UNC5C: variants seen among roughly 807,000 people sequenced by gnomAD.
The protein encoded by UNC5C is netrin receptor UNC5C.
In UNC5C, 47 loss-of-function variants were observed where a neutral mutation model predicts 99.8. The ratio of observed to expected loss-of-function variants is 0.47; its 90% confidence interval spans 0.37 to 0.60. The LOEUF is 0.60. Among genes scored for constraint, UNC5C ranks in the 20% least tolerant of loss-of-function variants. The pLI, the probability that UNC5C is intolerant of heterozygous loss-of-function variation, is 0.00. For synonymous variants in UNC5C, 487 were observed against 452.2 expected, an observed-to-expected ratio of 1.08 and a Z score of -0.98; for missense variants, 1,062 against 1,165.9, an observed-to-expected ratio of 0.91 and a Z score of 1.30.
intron 14 of UNC5C, among the ~76,000 whole-genome samples, chr4:95,176,595 C>T (rs973572108): frequency 2.0e-5 from 3 of 152,216 alleles, no homozygotes; most frequent in African/African-American, 4.8e-5. Flanking sequence ...GGCAGTCTGC[C>T]CGTTCTCAGA....
At chr4:95,532,149 T>C (rs1348266335) in intron 1 of UNC5C, among the ~76,000 whole-genome samples, 1 of 152,184 alleles carries the variant, frequency 6.6e-6, no homozygotes, top group Non-Finnish European at 1.5e-5. Context: ...AGAATCCAAG[T>C]TCTTCATTAG....
intron 1 of UNC5C, among the ~76,000 whole-genome samples, chr4:95,413,393 TG>T (rs1746058629): frequency 3.3e-5 from 5 of 152,154 alleles, no homozygotes; most frequent in Admixed American, 2.6e-4. Context: ...CCACCCATGG[TG>T]GGGCCTGGCT....
intron 1 of UNC5C, among the ~76,000 whole-genome samples, chr4:95,336,901 A>G (rs1330566328): frequency 6.6e-6 from 1 of 151,930 alleles, no homozygotes; most frequent in Non-Finnish European, 1.5e-5. Flanking sequence ...AACATCAAGG[A>G]CCAAAATTGT....
chr4:95,261,168 C>A (rs1439369722), intron 4 of UNC5C, among the ~76,000 whole-genome samples: 1 of 152,042 alleles, frequency 6.6e-6, no homozygotes, highest in African/African-American at 2.4e-5. Context: ...GCTGGGACAC[C>A]AAGACACATA....
chr4:95,513,585 T>A (rs528793922), intron 1 of UNC5C, among the ~76,000 whole-genome samples: 3 of 152,090 alleles, frequency 2.0e-5, no homozygotes, highest in Admixed American at 2.0e-4. Context: ...TCAAGACACA[T>A]GAAGACAACA....
intron 11 of UNC5C, 113 bp downstream of exon 11, chr4:95,206,515 G>A (rs766275835): frequency 5.5e-6 from 8 of 1,463,572 alleles, no homozygotes; most frequent in Non-Finnish European, 6.5e-6. Context: ...TTTTGAGGGT[G>A]AGCTAAAATT....
Position 95,420,082 on chromosome 4 carries a change from G to A in UNC5C, c.125-84451C>T, listed in dbSNP as rs375918569. On this transcript the variant is annotated intron_variant, in intron 1 of 15. Transcript: ENST00000453304. ...AGTATGAATACCTATAATCAGATGC[G>A]AAAACAAAGCATCCATAAGCAATTA... Among the ~76,000 whole-genome samples the A allele has an allele frequency of 2.3e-4, 35 of 152,126 alleles. 2 individuals carry two copies. Among genetic ancestry groups the A allele is most frequent in the African/African-American group, 7.0e-4 (29 of 41,518 alleles).
chr4:95,483,492 T>C (rs762346008), intron 1 of UNC5C, among the ~76,000 whole-genome samples: 1 of 151,872 alleles, frequency 6.6e-6, no homozygotes, highest in Non-Finnish European at 1.5e-5. Context: ...AATTTTTGTA[T>C]ATAAAATGGC....
rs1332860219 is a variant in UNC5C, at chr4:95,466,713, C to T, written c.124+82021G>A. On this transcript the variant is annotated intron_variant, in intron 1 of 15. Transcript: ENST00000453304. The stretch of plus-strand genomic sequence containing the variant: ...AAAATCCCAGGCCTCAAAGGAGATA[C>T]TCATTGTTTTACTTTTAAAAGCCAT... Among the ~76,000 whole-genome samples, 8 of 151,994 alleles carry T rather than the reference C, an allele frequency of 5.3e-5. No homozygotes were observed. In the East Asian group the frequency reaches 1.5e-3, roughly 29 times the overall value.
At chr4:95,287,041 C>T (rs143881286) in intron 3 of UNC5C, among the ~76,000 whole-genome samples, 1 of 152,274 alleles carries the variant, frequency 6.6e-6, no homozygotes, top group East Asian at 1.9e-4. Context: ...TGTCAAGTTA[C>T]CTTAATGTTT....
At chr4:95,485,314 T>A (rs1214806520) in intron 1 of UNC5C, among the ~76,000 whole-genome samples, 1 of 151,762 alleles carries the variant, frequency 6.6e-6, no homozygotes, top group Non-Finnish European at 1.5e-5. Flanking sequence ...GAGTTGTGCT[T>A]CAAGTTGTCC....
Position 95,182,993 on chromosome 4 carries a change from T to C in UNC5C, c.2355A>G (p.Arg785=), listed in dbSNP as rs1294239912. The C allele has an allele frequency of 6.2e-7, 1 of 1,613,672 alleles. No homozygotes were observed. Among genetic ancestry groups the C allele is most frequent in the East Asian group, 2.2e-5 (1 of 44,880 alleles). The change falls in exon 14 of 16, where the codon AGA becomes AGG. Residue 785 remains arginine, a synonymous_variant. Transcript: ENST00000453304. The part of the protein sequence containing the change: ...RNLHCTFTLE[R]FSLNTVELVC... Reference sequence around the variant, plus strand: ...CCAGCTCCACTGTGTTCAGGCTAAATCTTTCCAGAGTGAAGGTGCAGTGCA... The same window carrying C: ...CCAGCTCCACTGTGTTCAGGCTAAACCTTTCCAGAGTGAAGGTGCAGTGCA...
At chr4:95,402,683 C>T in intron 1 of UNC5C, among the ~76,000 whole-genome samples, 1 of 152,172 alleles carries the variant, frequency 6.6e-6, no homozygotes. Context: ...CTATAACACA[C>T]ATTTAGCAAC....
chr4:95,396,513 C>T (rs1251152483), intron 1 of UNC5C, among the ~76,000 whole-genome samples: 1 of 152,086 alleles, frequency 6.6e-6, no homozygotes, highest in Non-Finnish European at 1.5e-5. Flanking sequence ...TCTAGGCAGA[C>T]AGGGATGGCT....
At chr4:95,260,789 A>G (rs766632822) in intron 4 of UNC5C, among the ~76,000 whole-genome samples, 8 of 152,178 alleles carry the variant, frequency 5.3e-5, no homozygotes, top group Non-Finnish European at 7.3e-5. Context: ...TGAAATTGGG[A>G]CGACAGAGAA....
At chr4:95,195,190 C>A (rs1737328947) in intron 12 of UNC5C, among the ~76,000 whole-genome samples, 1 of 152,176 alleles carries the variant, frequency 6.6e-6, no homozygotes, top group African/African-American at 2.4e-5. Context: ...CTTAGAACTT[C>A]AAAGAGTCCT....
At chr4:95,375,112 G>A (rs1325243352) in intron 1 of UNC5C, among the ~76,000 whole-genome samples, 4 of 152,114 alleles carry the variant, frequency 2.6e-5, no homozygotes, top group African/African-American at 9.6e-5. Context: ...AATTTGTCAC[G>A]TAGTAGACTC....
chr4:95,254,102 A>G (rs1167682339), intron 4 of UNC5C, among the ~76,000 whole-genome samples: 1 of 152,140 alleles, frequency 6.6e-6, no homozygotes, highest in African/African-American at 2.4e-5. Flanking sequence ...TGTGTCTTTC[A>G]GACTGTTCTC....
At chr4:95,340,177 A>G (rs1214062073) in intron 1 of UNC5C, among the ~76,000 whole-genome samples, 1 of 152,140 alleles carries the variant, frequency 6.6e-6, no homozygotes, top group African/African-American at 2.4e-5. Flanking sequence ...AGGGAGCTTT[A>G]GGTTGCTGAT....
Sources: allele counts gnomAD v4.1 joint callset (sites outside exome capture counted in the v4.1 genomes callset), GRCh38; gene constraint gnomAD v4.1.1; transcripts MANE v1.5; gene names NCBI Gene and HGNC (gene_info 2026-07-23, HGNC 2026-07-21).